SCYL1: variants seen among roughly 807,000 people sequenced by gnomAD.
SCYL1 encodes the protein N-terminal kinase-like protein.
In SCYL1, 85 loss-of-function variants were observed where a neutral mutation model predicts 94.8. The observed-to-expected ratio is 0.90, with a 90% confidence interval of 0.75 to 1.07. The LOEUF (loss-of-function observed/expected upper bound fraction) is 1.07. Among genes scored for constraint, SCYL1 ranks in the 50% least tolerant of loss-of-function variants. The pLI, the probability that SCYL1 is intolerant of heterozygous loss-of-function variation, is 0.00. For synonymous variants in SCYL1, 459 were observed against 435.5 expected (o/e 1.05, Z -0.67); for missense variants, 968 against 1,083.3 (o/e 0.89, Z 1.49).
Position 65,525,980 on chromosome 11 carries a change from G to A in SCYL1, c.312G>A (p.Lys104=). ...TGACCCCGTTGGGAATATACCTCAA[G>A]GCGAGAGTGGAGGCTGGTGGCCTGA... The part of the protein sequence containing the change: ...EAVTPLGIYL[K]ARVEAGGLKE... Residue 104 remains lysine (K), a synonymous_variant, in exon 3 of 18, where the codon AAG becomes AAA. Coordinates refer to ENST00000270176, the MANE Select transcript of SCYL1 (RefSeq NM_020680.4). 1 of 1,613,590 alleles carries A rather than the reference G, an allele frequency of 6.2e-7. No individual in the cohort carries two copies. Among genetic ancestry groups the A allele is most frequent in the Non-Finnish European group, 8.5e-7 (1 of 1,179,970 alleles).
chr11:65,526,923 C>A lies in SCYL1; in HGVS notation c.694-39C>A. 1 of 1,610,186 alleles carries A rather than the reference C, an allele frequency of 6.2e-7. No homozygotes were observed. Among genetic ancestry groups the A allele is most frequent in the Non-Finnish European group, 8.5e-7 (1 of 1,177,372 alleles). ...TGCCCTGCCTCAGCCCCTCTGCCAG[C>A]TGGCTACCCCTGCCCTGACACTGAC... is the stretch of plus-strand genomic sequence containing the variant. On this transcript the variant is annotated intron_variant, in intron 5 of 17. Coordinates refer to ENST00000270176, the MANE Select transcript of SCYL1 (RefSeq NM_020680.4). This position sits in a 1 kb window ranked among gnomAD's most constrained non-coding sequence, Gnocchi z 4.1.
intron 9 of SCYL1, among the ~76,000 whole-genome samples, chr11:65,534,746 C>A (rs1280051616): frequency 6.6e-6 from 1 of 152,080 alleles, no homozygotes; most frequent in African/African-American, 2.4e-5. Flanking sequence ...AGAGTCTCAG[C>A]AAAAGGAGCA....
At chr11:65,531,952 TAC>T (rs987790254) in intron 8 of SCYL1, among the ~76,000 whole-genome samples, 33 of 152,180 alleles carry the variant, frequency 2.2e-4, no homozygotes, top group Non-Finnish European at 2.8e-4. Flanking sequence ...AGAGTGGGGA[TAC>T]AGTCTTTCTC....
intron 13 of SCYL1, 51 bp from the exon 14 acceptor site, chr11:65,536,935 C>T: frequency 1.3e-6 from 2 of 1,493,770 alleles, no homozygotes; most frequent in Non-Finnish European, 1.9e-6. Flanking sequence ...CTAGCAGCCT[C>T]TGCCCTGTCC....
rs1590734398 is a variant in SCYL1 at position 65,532,786 on chromosome 11, T to C, written c.1211T>C (p.Ile404Thr). Reference sequence around the variant, plus strand: ...GGCTTCCTGGACACCAACCCTGCCATCCGGGAGCAGACGGTCAAGGTGGGT... The same window carrying C: ...GGCTTCCTGGACACCAACCCTGCCACCCGGGAGCAGACGGTCAAGGTGGGT... ...VHGFLDTNPA[I>T]REQTVKSMLL... The change falls in exon 9 of 18, where the codon ATC becomes ACC. Residue 404 changes from isoleucine to threonine, a missense_variant. Transcript: ENST00000270176. 6.2e-7 allele frequency: 1 copy of C among 1,613,938 alleles called. No homozygotes were observed. Among genetic ancestry groups the C allele is most frequent in the South Asian group, 1.1e-5 (1 of 91,076 alleles).
At position 65,526,211 on chromosome 11, in the gene SCYL1, TG is replaced by T; in HGVS notation, c.465del (p.Trp155Ter). ...CGTGTTCGTGGACCGAGCTGGCGAGTGGAAGCTTGGGGGCCTGGACTACATG... is the reference window on the plus strand; with the variant it reads ...CGTGTTCGTGGACCGAGCTGGCGAGTGAAGCTTGGGGGCCTGGACTACATG... ...AAVFVDRAGE[W>X]KLGGLDYMYS... On this transcript the variant is annotated frameshift_variant, in exon 4 of 18. Transcript: ENST00000270176. LOFTEE classifies it high-confidence loss of function. The surrounding 1 kb of genome is among the most constrained non-coding windows in gnomAD (Gnocchi z 4.1). The T allele has an allele frequency of 6.2e-7, 1 of 1,613,048 alleles. No individual in the cohort carries two copies. Among genetic ancestry groups the T allele is most frequent in the Non-Finnish European group, 8.5e-7 (1 of 1,179,890 alleles).
In SCYL1 at chr11:65,530,776, C is replaced by A; in HGVS notation, c.997C>A (p.Pro333Thr). 6.2e-7 allele frequency: 1 copy of A among 1,611,956 alleles called. No homozygotes were observed. Among genetic ancestry groups the A allele is most frequent in the South Asian group, 1.1e-5 (1 of 90,858 alleles). ...CAATGCTGGGGCCGTTGTCCTCACG[C>A]CCCTCTTCAAGGTGAGTGGAACTGT... ...FGNAGAVVLT[P>T]LFKVGKFLSA... The change falls in exon 7 of 18, where the codon CCC becomes ACC. Residue 333 changes from proline to threonine, a missense_variant. This residue lies in a region of SCYL1 where 494 missense variants were observed against 619.7 expected (regional missense o/e 0.80). Coordinates refer to ENST00000270176, the MANE Select transcript of SCYL1 (RefSeq NM_020680.4).
At chr11:65,533,812 G>C (rs1469345726) in intron 9 of SCYL1, among the ~76,000 whole-genome samples, 1 of 151,832 alleles carries the variant, frequency 6.6e-6, no homozygotes, top group Non-Finnish European at 1.5e-5. Context: ...GCCGGGCCTG[G>C]TGGCCCATGC....
chr11:65,536,699 C>G lies in SCYL1; in HGVS notation c.1765C>G (p.Pro589Ala). The G allele has an allele frequency of 6.2e-7, 1 of 1,612,360 alleles. No individual in the cohort carries two copies. Among genetic ancestry groups the G allele is most frequent in the Non-Finnish European group, 8.5e-7 (1 of 1,178,586 alleles). The change falls in exon 13 of 18, where the codon CCA becomes GCA. Residue 589 changes from proline to alanine, a missense_variant. This residue lies in a region of SCYL1 where 474 missense variants were observed against 463.6 expected (regional missense o/e 1.02). Coordinates refer to ENST00000270176, the MANE Select transcript of SCYL1 (RefSeq NM_020680.4). ...CACCTCCAAGCTGATCCGTTCGCAC[C>G]CAACCACTGCCCCAACAGAAACCAA... ...SLTSKLIRSH[P>A]TTAPTETNIP...
At chr11:65,527,503 C>T (rs1855144285) in intron 6 of SCYL1, among the ~76,000 whole-genome samples, 1 of 152,072 alleles carries the variant, frequency 6.6e-6, no homozygotes, top group African/African-American at 2.4e-5. Context: ...CTTTGGGAGG[C>T]TGAGGTGGGT....
At chr11:65,531,897 G>A (rs567266322) in intron 8 of SCYL1, among the ~76,000 whole-genome samples, 5 of 152,290 alleles carry the variant, frequency 3.3e-5, no homozygotes, top group South Asian at 2.1e-4. Context: ...AGGCTGCAGC[G>A]CTCTAATGCC....
intron 9 of SCYL1, 151 bp downstream of exon 9, chr11:65,532,956 C>G (rs868774702): frequency 1.6e-6 from 1 of 619,716 alleles, no homozygotes; most frequent in Middle Eastern, 3.3e-4. Flanking sequence ...AGCTCGGCAG[C>G]TGGCGGGGGA....
At position 65,527,083 on chromosome 11, in the gene SCYL1, T is replaced by C. The variant is rs773093373; in HGVS notation, c.815T>C (p.Phe272Ser). The C allele has an allele frequency of 3.7e-6, 6 of 1,613,612 alleles. No homozygotes were observed. The highest frequency in any genetic ancestry group is 1.3e-5 in the African/African-American group (1 of 75,038). ...RAPGGFMSNR[F>S]VETNLFLEEI... ...CCTGGTGGCTTCATGAGCAACCGCTTTGTAGAAACCAACCTCTTCCTGGAG... is the reference window on the plus strand; with the variant it reads ...CCTGGTGGCTTCATGAGCAACCGCTCTGTAGAAACCAACCTCTTCCTGGAG... Residue 272 changes from phenylalanine to serine, a missense_variant, in exon 6 of 18, where the codon TTT becomes TCT. Phe to Ser is a radical substitution (Grantham distance 155). Around this residue, in one of 2 missense-constraint regions of SCYL1, gnomAD observed 494 missense variants for 619.7 expected, o/e 0.80. Coordinates refer to ENST00000270176, the MANE Select transcript of SCYL1 (RefSeq NM_020680.4).
intron 15 of SCYL1, 28 bp downstream of exon 15, chr11:65,537,908 T>A: frequency 6.3e-7 from 1 of 1,580,508 alleles, no homozygotes; most frequent in African/African-American, 1.3e-5. Context: ...GGGAGGTGTG[T>A]GTATGGGGCT....
intron 6 of SCYL1, among the ~76,000 whole-genome samples, chr11:65,527,859 A>G (rs1033272980): frequency 6.6e-6 from 1 of 152,148 alleles, no homozygotes; most frequent in African/African-American, 2.4e-5. Context: ...ACCTGTACCT[A>G]CTTCAAAGGG....
At chr11:65,530,939 T>C in intron 7 of SCYL1, 152 bp downstream of exon 7, 1 of 815,258 alleles carries the variant, frequency 1.2e-6, no homozygotes, top group Non-Finnish European at 1.9e-6. Context: ...CCTGACCAGC[T>C]GTCCCCTGGG....
In SCYL1 at chr11:65,538,549, G is replaced by T; in HGVS notation, c.2410G>T (p.Ala804Ser). 1.2e-6 allele frequency: 2 copies of T among 1,611,622 alleles called. No individual in the cohort carries two copies. The highest frequency in any genetic ancestry group is 1.1e-5 in the South Asian group (1 of 90,920). ...KVAKGPMKLGARKLD is the reference protein window; with the variant it reads ...KVAKGPMKLGSRKLD ...GGCCAAGGGCCCCATGAAGCTGGGA[G>T]CCCGGAAGCTGGACTGAACCGTGGC... Residue 804 changes from alanine to serine, a missense_variant, in exon 18 of 18, where the codon GCC becomes TCC. Physicochemically the swap from Ala to Ser is moderately conservative, Grantham distance 99. Transcript: ENST00000270176.
chr11:65,538,422 G>C lies in SCYL1; in HGVS notation c.2303-20G>C, dbSNP rs1417178133. ...CACTGGCTGGAGAGCTGAGACCGGG[G>C]CTCCCCTTCCTGACGCCAGGACAGG... is the stretch of plus-strand genomic sequence containing the variant. On this transcript the variant is annotated intron_variant, in intron 17 of 17. Transcript: ENST00000270176. 3 of 1,544,304 alleles carry C rather than the reference G, an allele frequency of 1.9e-6. No homozygotes were observed. The highest frequency in any genetic ancestry group is 2.6e-6 in the Non-Finnish European group (3 of 1,143,696).
At position 65,525,903 on chromosome 11, in the gene SCYL1, C is replaced by T. The variant is rs369696454; in HGVS notation, c.253-18C>T. The T allele has an allele frequency of 1.4e-4, 225 of 1,611,334 alleles. No homozygotes were observed. Among genetic ancestry groups the T allele is most frequent in the Middle Eastern group, 8.2e-4 (5 of 6,074 alleles). On this transcript the variant is annotated intron_variant, in intron 2 of 17. Transcript: ENST00000270176. ...CTCTGCCCCTCCGCCCTTGATAACCCTGTGTCCCCTTCCCCAGACAGAAAA... is the reference window on the plus strand; with the variant it reads ...CTCTGCCCCTCCGCCCTTGATAACCTTGTGTCCCCTTCCCCAGACAGAAAA...
Sources: allele counts gnomAD v4.1 joint callset (sites outside exome capture counted in the v4.1 genomes callset), GRCh38; gene constraint gnomAD v4.1.1; regional missense constraint gnomAD v4.1.1; non-coding constraint Gnocchi (gnomAD v3.1); transcripts MANE v1.5; gene names NCBI Gene and HGNC (gene_info 2026-07-23, HGNC 2026-07-21).